The following SACS variants were observed in gnomAD, a reference collection of about 807,000 sequenced individuals.
The protein encoded by SACS is sacsin molecular chaperone, also known as sacsin.
A neutral mutation model predicts 348.0 loss-of-function variants in SACS; 197 were observed. That is an observed-to-expected ratio of 0.57 (90% CI 0.50 to 0.64). The LOEUF (loss-of-function observed/expected upper bound fraction) is 0.64, where lower values mean the gene tolerates loss of function less well. Among genes scored for constraint, SACS ranks in the 30% least tolerant of loss-of-function variants. The probability of loss-of-function intolerance (pLI) is 0.00; values close to 1 mark genes in which losing one functional copy is unlikely to be tolerated. For synonymous variants in SACS, 1,985 were observed against 1,910.6 expected (o/e 1.04, Z -1.02); for missense variants, 4,999 against 5,360.8 (o/e 0.93, Z 2.11).
chr13:23,331,231 A>G lies in SACS; in HGVS notation c.12645T>C (p.Ala4215=), dbSNP rs1475934964. The G allele has an allele frequency of 6.2e-7, 1 of 1,613,840 alleles. No homozygotes were observed. Among genetic ancestry groups the G allele is most frequent in the Non-Finnish European group, 8.5e-7 (1 of 1,179,870 alleles). ...IIVQEVERED[A]DNSSFLGKIY... Reference sequence around the variant, plus strand: ...TCTTTCCTAGAAAACTAGAATTGTCAGCATCTTCTCTTTCAACTTCTTGTA... The same window carrying G: ...TCTTTCCTAGAAAACTAGAATTGTCGGCATCTTCTCTTTCAACTTCTTGTA... The change falls in exon 10 of 10, where the codon GCT becomes GCC. Residue 4215 remains alanine (A), a synonymous_variant. Transcript: ENST00000382292.
intron 2 of SACS, among the ~76,000 whole-genome samples, chr13:23,404,029 T>C (rs1027192732): frequency 6.6e-6 from 1 of 152,220 alleles, no homozygotes; most frequent in Admixed American, 6.5e-5. Context: ...GAGCAGGTTG[T>C]TCAGTTTCCA....
At chr13:23,412,746 A>G (rs1274804286) in intron 1 of SACS, among the ~76,000 whole-genome samples, 2 of 152,010 alleles carry the variant, frequency 1.3e-5, no homozygotes. Flanking sequence ...TACAATAATA[A>G]CTCATGTTTG....
intron 1 of SACS, among the ~76,000 whole-genome samples, chr13:23,420,613 T>C (rs1003392108): frequency 6.6e-6 from 1 of 152,100 alleles, no homozygotes; most frequent in African/African-American, 2.4e-5. Context: ...TGATTTCAGC[T>C]GGGCCCTGAA....
intron 2 of SACS, among the ~76,000 whole-genome samples, chr13:23,375,852 G>A (rs1369292914): frequency 2.0e-5 from 3 of 152,160 alleles, no homozygotes; most frequent in Admixed American, 6.5e-5. Flanking sequence ...TACAGCTAGA[G>A]GACAGGTGCG....
Position 23,337,635 on chromosome 13 carries a change from G to C in SACS, c.6241C>G (p.Leu2081Val), listed in dbSNP as rs140946485. ...GAGAACTCATCAACTTTTTCATTTA[G>C]AACAAAGATCATTAAAGGATCTCTA... Reference protein sequence around the residue: ...ELRDPLMIFVLNEKVDEFSGV... With the variant: ...ELRDPLMIFVVNEKVDEFSGV... The change falls in exon 10 of 10, where the codon CTA (leucine) becomes GTA (valine). Residue 2081 changes from leucine to valine, a missense_variant. Leu to Val is a conservative substitution (Grantham distance 32, BLOSUM62 1). Transcript: ENST00000382292. The C allele has an allele frequency of 1.2e-6, 2 of 1,613,588 alleles. No homozygotes were observed. Among genetic ancestry groups the C allele is most frequent in the Non-Finnish European group, 1.7e-6 (2 of 1,179,870 alleles).
intron 5 of SACS, among the ~76,000 whole-genome samples, chr13:23,367,808 G>A (rs1413302835): frequency 6.6e-6 from 1 of 152,068 alleles, no homozygotes; most frequent in Non-Finnish European, 1.5e-5. Flanking sequence ...TGGCCAGGCT[G>A]GTCTCGAACT....
rs1446735862 is a variant in SACS, at chr13:23,332,378, C to A, written c.11498G>T (p.Gly3833Val). 1 of 1,613,746 alleles carries A rather than the reference C, an allele frequency of 6.2e-7. No individual in the cohort carries two copies. The highest frequency in any genetic ancestry group is 1.7e-5 in the Admixed American group (1 of 59,988). The change falls in exon 10 of 10, where the codon GGC (glycine) becomes GTC (valine). Residue 3833 changes from glycine (G) to valine (V), a missense_variant. Physicochemically the swap from Gly to Val is moderately radical, Grantham distance 109 (BLOSUM62 -3). Coordinates refer to ENST00000382292, the MANE Select transcript of SACS (RefSeq NM_014363.6). ...PYLYKLPLEL[G>V]TFHQLFKHLG... is the part of the protein sequence containing the mutation. ...GTGTTTGAACAACTGGTGAAATGTG[C>A]CAAGTTCTAAAGGTAGCTTGTACAA...
At chr13:23,399,316 C>T (rs1413146782) in intron 2 of SACS, among the ~76,000 whole-genome samples, 1 of 152,120 alleles carries the variant, frequency 6.6e-6, no homozygotes, top group East Asian at 1.9e-4. Flanking sequence ...GTCCCTTCTC[C>T]TAAGCTACTT....
At position 23,336,471 on chromosome 13, in the gene SACS, T is replaced by C. The variant is rs1489977324; in HGVS notation, c.7405A>G (p.Asn2469Asp). ...TTTACTTTTATCCAAGGGCAATCAT[T>C]GTAGCATAACGATTTAGCAGGGAGA... Reference protein sequence around the residue: ...MLLPAKSLCYNDCPWIKVKDT... With the variant: ...MLLPAKSLCYDDCPWIKVKDT... The change falls in exon 10 of 10, where the codon AAT becomes GAT. Residue 2469 changes from asparagine (N) to aspartate (D), a missense_variant. By Grantham distance (23) the Asn-to-Asp change is conservative (BLOSUM62 1). This residue lies in a region of SACS where 3,156 missense variants were observed against 3,380.1 expected (regional missense o/e 0.93). Transcript: ENST00000382292. 4 of 1,614,062 alleles carry C rather than the reference T, an allele frequency of 2.5e-6. No homozygotes were observed. The highest frequency in any genetic ancestry group is 2.7e-5 in the African/African-American group (2 of 75,050).
intron 1 of SACS, among the ~76,000 whole-genome samples, chr13:23,425,287 C>A (rs1874123597): frequency 2.0e-5 from 3 of 151,692 alleles, no homozygotes; most frequent in Admixed American, 2.0e-4. Flanking sequence ...GCCTGGTTTC[C>A]ACCCGGGACC....
chr13:23,357,427 T>A (rs17325915), intron 7 of SACS, among the ~76,000 whole-genome samples: 1 of 152,190 alleles, frequency 6.6e-6, no homozygotes, highest in East Asian at 1.9e-4. Context: ...ACAGGCTTAC[T>A]AAAATTTGGC....
intron 2 of SACS, among the ~76,000 whole-genome samples, chr13:23,378,435 T>TA (rs896513958): frequency 6.6e-5 from 10 of 152,306 alleles, no homozygotes; most frequent in East Asian, 3.9e-4. Context: ...CAGTTCCTCT[T>TA]ACGTCGATCA....
chr13:23,413,625 C>G (rs925955569), intron 1 of SACS, among the ~76,000 whole-genome samples: 1 of 152,156 alleles, frequency 6.6e-6, no homozygotes, highest in Non-Finnish European at 1.5e-5. Context: ...ATTATCAGTT[C>G]TTGGATGTTC....
intron 9 of SACS, among the ~76,000 whole-genome samples, chr13:23,352,409 A>C (rs1472191498): frequency 6.6e-6 from 1 of 152,204 alleles, no homozygotes; most frequent in African/African-American, 2.4e-5. Flanking sequence ...TATGCTGTTA[A>C]AGCCAGTGTC....
chr13:23,357,934 G>A (rs889410031), intron 7 of SACS, among the ~76,000 whole-genome samples: 3 of 152,164 alleles, frequency 2.0e-5, no homozygotes, highest in Non-Finnish European at 4.4e-5. Flanking sequence ...ATACCTTCCT[G>A]TTTAACCTTC....
intron 2 of SACS, among the ~76,000 whole-genome samples, chr13:23,387,810 T>A (rs186348836): frequency 1.1e-4 from 16 of 152,298 alleles, no homozygotes; most frequent in African/African-American, 3.9e-4. Context: ...CAACATGATC[T>A]ATGGATCCAG....
chr13:23,409,159 C>T (rs188794402), intron 2 of SACS, among the ~76,000 whole-genome samples: 8 of 141,802 alleles, frequency 5.6e-5, no homozygotes, highest in Non-Finnish European at 1.2e-4. Context: ...CAGCTTCACA[C>T]CATTCTCCTG....
At chr13:23,416,001 CG>C (rs1179391974) in intron 1 of SACS, among the ~76,000 whole-genome samples, 1 of 152,002 alleles carries the variant, frequency 6.6e-6, no homozygotes, top group Non-Finnish European at 1.5e-5. Context: ...GGAAAAAGGC[CG>C]GGCGTGGTGG....
Position 23,338,040 on chromosome 13 carries a change from A to G in SACS, c.5836T>C (p.Trp1946Arg), listed in dbSNP as rs137853017. The G allele has an allele frequency of 6.2e-7, 1 of 1,613,934 alleles. No individual in the cohort carries two copies. Residue 1946 changes from tryptophan to arginine, a missense_variant, in exon 10 of 10, where the codon TGG becomes CGG. Physicochemically the swap from Trp to Arg is moderately radical, Grantham distance 101 (BLOSUM62 -3). This residue lies in a region of SACS where 3,156 missense variants were observed against 3,380.1 expected (regional missense o/e 0.93). Transcript: ENST00000382292. ...ELMDYTYYAV[W>R]PDPDLVHDDF... ...TCATGAACTAAATCAGGATCGGGCC[A>G]TACTGCATAGTAAGTATAATCCATT...
Sources: allele counts gnomAD v4.1 joint callset (sites outside exome capture counted in the v4.1 genomes callset), GRCh38; gene constraint gnomAD v4.1.1; regional missense constraint gnomAD v4.1.1; transcripts MANE v1.5; gene names NCBI Gene and HGNC (gene_info 2026-07-23, HGNC 2026-07-21).